CASK: variants seen among roughly 807,000 people sequenced by gnomAD.
The protein encoded by CASK is peripheral plasma membrane protein CASK.
A neutral mutation model predicts 82.9 loss-of-function variants in CASK; 4 were observed. The observed-to-expected ratio is 0.05, with a 90% CI of 0.02 to 0.11. The LOEUF is 0.11. Among genes scored for constraint, CASK ranks in the 10% least tolerant of loss-of-function variants. The pLI is 1.00. For missense variants in CASK, 358 were observed against 720.9 expected (o/e 0.50, Z 5.76); for synonymous variants, 259 against 253.5 (o/e 1.02, Z -0.20).
chrX:41,602,931 A>G (rs771929490), intron 12 of CASK, among the ~76,000 whole-genome samples: 1 of 111,248 alleles, frequency 9.0e-6, no homozygotes, highest in South Asian at 3.8e-4. Context: ...GTGGAGAGAC[A>G]CTCAAATTCA....
intron 5 of CASK, among the ~76,000 whole-genome samples, chrX:41,676,715 T>C (rs2067272443): frequency 1.8e-5 from 2 of 112,298 alleles, no homozygotes; most frequent in Middle Eastern, 4.6e-3. Context: ...TGTGAGGAGA[T>C]TGTGAAGAAA....
At chrX:41,716,326 T>C (rs2068060804) in intron 5 of CASK, among the ~76,000 whole-genome samples, 1 of 112,292 alleles carries the variant, frequency 8.9e-6, no homozygotes, top group Non-Finnish European at 1.9e-5. Context: ...ACACTGGTTG[T>C]CTAAAACAGA....
In CASK at chrX:41,898,650, G is replaced by A. The variant is rs1296469748; in HGVS notation, c.59+24280C>T. ...GTATGTTGTGTTTCCATTTTCATTT[G>A]CCTCAAGATTTTATTTTCCTTACAA... On this transcript the variant is annotated intron_variant, in intron 1 of 26. Transcript: ENST00000378163. Among the ~76,000 whole-genome samples the A allele has an allele frequency of 1.8e-5, 2 of 111,256 alleles. 1 individual carries two copies. Among genetic ancestry groups the A allele is most frequent in the Non-Finnish European group, 3.8e-5 (2 of 52,827 alleles).
At chrX:41,770,257 CATCT>C (rs751579544) in intron 3 of CASK, among the ~76,000 whole-genome samples, 9,399 of 86,311 alleles carry the variant, frequency 0.11, 461 homozygotes, top group Non-Finnish European at 0.14. Context: ...ATCTATCTAT[CATCT>C]ATCTATCTAT....
At position 41,636,673 on chromosome X, in the gene CASK, G is replaced by GA. The variant is rs2066560039; in HGVS notation, c.832-13dup. 3 of 1,063,749 alleles carry GA rather than the reference G, an allele frequency of 2.8e-6. No individual in the cohort carries two copies. The highest frequency in any genetic ancestry group is 2.5e-4 in the Middle Eastern group (1 of 4,042). 87.7% of individuals were successfully genotyped at this position (1,063,749 alleles called of 1,213,427 possible). On this transcript the variant is annotated splice_polypyrimidine_tract_variant and intron_variant, in intron 8 of 26. Coordinates refer to ENST00000378163, the MANE Select transcript of CASK (RefSeq NM_001367721.1). ...TAACGATCCCGCTCCTATGTAAGATGAAAGATAATGAACATATATAACCGT... is the reference window on the plus strand; with the variant it reads ...TAACGATCCCGCTCCTATGTAAGATGAAAAGATAATGAACATATATAACCGT...
At chrX:41,820,960 T>A (rs1050378700) in intron 2 of CASK, among the ~76,000 whole-genome samples, 3 of 111,194 alleles carry the variant, frequency 2.7e-5, no homozygotes, top group African/African-American at 9.8e-5. Context: ...AAGTGCATCA[T>A]AAACGTAGCC....
intron 22 of CASK, among the ~76,000 whole-genome samples, chrX:41,537,475 A>AT (rs1427748090): frequency 9.0e-6 from 1 of 111,610 alleles, no homozygotes; most frequent in Non-Finnish European, 1.9e-5. Flanking sequence ...CACAGAGGCC[A>AT]TTGGGAGTGA....
chrX:41,586,627 T>A (rs1297554025), intron 14 of CASK: 3 of 234,230 alleles, frequency 1.3e-5, no homozygotes, highest in Non-Finnish European at 2.3e-5. Context: ...ACATAAACAG[T>A]TCCAGTGACT....
At chrX:41,871,983 G>T (rs1206749239) in intron 1 of CASK, among the ~76,000 whole-genome samples, 1 of 112,287 alleles carries the variant, frequency 8.9e-6, no homozygotes, top group African/African-American at 3.2e-5. Context: ...TAATGGAGCT[G>T]GGCAGTATGA....
intron 2 of CASK, among the ~76,000 whole-genome samples, chrX:41,831,177 C>T (rs1052484861): frequency 4.5e-5 from 5 of 110,620 alleles, no homozygotes; most frequent in African/African-American, 1.3e-4. Context: ...ACACACATAC[C>T]GCTTTTGGGT....
chrX:41,778,468 T>C (rs2069408405), intron 3 of CASK, among the ~76,000 whole-genome samples: 1 of 111,190 alleles, frequency 9.0e-6, no homozygotes, highest in Non-Finnish European at 1.9e-5. Context: ...TGACCTCAAG[T>C]GATCCGCCCG....
intron 1 of CASK, among the ~76,000 whole-genome samples, chrX:41,895,237 G>A (rs1025309295): frequency 2.7e-5 from 3 of 111,912 alleles, no homozygotes; most frequent in Non-Finnish European, 5.6e-5. Flanking sequence ...TTCACGAGAC[G>A]CACTGTGGAT....
At chrX:41,568,153 G>A (rs954287423) in intron 16 of CASK, among the ~76,000 whole-genome samples, 1 of 108,369 alleles carries the variant, frequency 9.2e-6, no homozygotes, top group Middle Eastern at 4.3e-3. Flanking sequence ...ATGAGTTGAT[G>A]GGTGCAGCAA....
intron 2 of CASK, among the ~76,000 whole-genome samples, chrX:41,818,145 CTGTGTGTGTGTGTGTGTGTGTG>C (rs59931187): frequency 1.2e-5 from 1 of 85,420 alleles, no homozygotes; most frequent in Non-Finnish European, 2.3e-5. Context: ...AGGAGGCCTT[CTGTGTGTGTGTGTGTGTGTGTG>C]TGTGTGTGTG....
At chrX:41,648,052 C>A (rs1381843711) in intron 8 of CASK, among the ~76,000 whole-genome samples, 2 of 112,318 alleles carry the variant, frequency 1.8e-5, no homozygotes, top group African/African-American at 6.5e-5. Context: ...CAGAACAGAG[C>A]CATATTTCTC....
chrX:41,784,039 C>A (rs952449265), intron 3 of CASK, among the ~76,000 whole-genome samples: 1 of 112,157 alleles, frequency 8.9e-6, no homozygotes, highest in African/African-American at 3.2e-5. Flanking sequence ...TTCCAGGAGA[C>A]ACATGAACTA....
At chrX:41,913,058 G>T (rs1005920387) in intron 1 of CASK, among the ~76,000 whole-genome samples, 29 of 109,700 alleles carry the variant, frequency 2.6e-4, no homozygotes, top group Non-Finnish European at 1.9e-5. Flanking sequence ...CTACTAGGTG[G>T]TCACACAGTC....
intron 1 of CASK, chrX:41,919,355 G>A (rs964114217): frequency 8.9e-6 from 1 of 112,146 alleles, no homozygotes; most frequent in African/African-American, 3.2e-5. Context: ...AGGAAAGTCT[G>A]AAGCTACAGG....
intron 26 of CASK, among the ~76,000 whole-genome samples, chrX:41,522,822 C>G (rs1293303964): frequency 5.3e-5 from 6 of 112,581 alleles, no homozygotes; most frequent in Admixed American, 9.4e-5. Context: ...TCAGTCTCTT[C>G]CTCGACAACA....
Sources: allele counts gnomAD v4.1 joint callset (sites outside exome capture counted in the v4.1 genomes callset), GRCh38; gene constraint gnomAD v4.1.1; transcripts MANE v1.5; gene names NCBI Gene and HGNC (gene_info 2026-07-23, HGNC 2026-07-21).